Variants in COX7B2 observed in about 807,000 individuals in gnomAD.
COX7B2 encodes cytochrome c oxidase subunit 7B2, mitochondrial.
For synonymous variants in COX7B2, 37 were observed against 32.1 expected (o/e 1.15, Z -0.51); for missense variants, 109 against 95.9 (o/e 1.14, Z -0.57).
rs5858039 is a variant in COX7B2 at position 46,803,732 on chromosome 4, C to CTTT, written c.-50+41225_-50+41227dup. 5.6e-3 allele frequency among the ~76,000 whole-genome samples: 684 copies of CTTT among 123,218 alleles called. 7 individuals carry two copies. The highest frequency in any genetic ancestry group is 0.02 in the African/African-American group (649 of 32,402). 80.8% of individuals were successfully genotyped at this position (123,218 alleles called of 152,430 possible). A position where few individuals can be genotyped will look rare whatever the true frequency, so the allele number is the denominator to read the frequency against. On this transcript the variant is annotated intron_variant, in intron 2 of 2. Transcript: ENST00000355591. ...GCTTAAATTAAGCCTGGTTTACTTT[C>CTTT]TTTTTTTTTTTTTTTTTTTTAACAT...
chr4:46,813,844 A>AG (rs1265053661), intron 2 of COX7B2, among the ~76,000 whole-genome samples: 2 of 152,194 alleles, frequency 1.3e-5, no homozygotes. Flanking sequence ...ACAACTTAAC[A>AG]GAAAAAAAAC....
At chr4:46,863,597 T>C (rs946987560) in intron 1 of COX7B2, among the ~76,000 whole-genome samples, 12 of 152,326 alleles carry the variant, frequency 7.9e-5, no homozygotes, top group Admixed American at 3.9e-4. Context: ...TTTTAAAACT[T>C]CTCAGATTCA....
rs576124347 is a variant in COX7B2, at chr4:46,823,560, A to G, written c.-50+21400T>C. 3.3e-3 allele frequency among the ~76,000 whole-genome samples: 496 copies of G among 149,416 alleles called. 8 individuals carry two copies. The highest frequency in any genetic ancestry group is 0.022 in the Middle Eastern group (6 of 278). On this transcript the variant is annotated intron_variant, in intron 2 of 2. Coordinates refer to ENST00000355591, the MANE Select transcript of COX7B2 (RefSeq NM_130902.3). ...TCTCAAGGATCAATTATAAAATGAAAAATTTTAATATAAAATACAATATAT... is the reference window on the plus strand; with the variant it reads ...TCTCAAGGATCAATTATAAAATGAAGAATTTTAATATAAAATACAATATAT...
intron 1 of COX7B2, among the ~76,000 whole-genome samples, chr4:46,905,842 A>ATTTTTTTTT (rs1720354224): frequency 2.4e-4 from 1 of 4,110 alleles, no homozygotes; most frequent in Non-Finnish European, 6.3e-4. Context: ...TTTTTTTTTG[A>ATTTTTTTTT]GACGGAGTCT....
intron 2 of COX7B2, among the ~76,000 whole-genome samples, chr4:46,744,660 A>G (rs533405038): frequency 4.6e-5 from 7 of 151,952 alleles, no homozygotes; most frequent in Middle Eastern, 3.4e-3. Flanking sequence ...TCTGCCTTCA[A>G]TCTATCACTG....
chr4:46,757,033 T>A (rs896687569), intron 2 of COX7B2, among the ~76,000 whole-genome samples: 1 of 152,012 alleles, frequency 6.6e-6, no homozygotes, highest in Non-Finnish European at 1.5e-5. Flanking sequence ...ATGGATGGAA[T>A]CAACCTAAGT....
chr4:46,774,737 G>T (rs1214393966), intron 2 of COX7B2, among the ~76,000 whole-genome samples: 1 of 151,698 alleles, frequency 6.6e-6, no homozygotes, highest in African/African-American at 2.4e-5. Flanking sequence ...ATATCCTCAA[G>T]TCTTATCACT....
chr4:46,767,118 T>C (rs888624180), intron 2 of COX7B2, among the ~76,000 whole-genome samples: 4 of 152,250 alleles, frequency 2.6e-5, no homozygotes, highest in African/African-American at 7.2e-5. Context: ...CTACAGAGAC[T>C]GAGTTTAGCT....
intron 1 of COX7B2, among the ~76,000 whole-genome samples, chr4:46,845,979 T>C (rs1433454296): frequency 2.0e-5 from 3 of 152,010 alleles, no homozygotes; most frequent in Non-Finnish European, 4.4e-5. Flanking sequence ...GGAGATAGAC[T>C]TTACCCCCAT....
chr4:46,770,576 C>T (rs1716817767), intron 2 of COX7B2, among the ~76,000 whole-genome samples: 1 of 151,614 alleles, frequency 6.6e-6, no homozygotes, highest in African/African-American at 2.4e-5. Flanking sequence ...TCTAATATAC[C>T]ATAAAGGTCT....
intron 1 of COX7B2, among the ~76,000 whole-genome samples, chr4:46,891,677 G>T (rs899742307): frequency 1.3e-5 from 2 of 152,088 alleles, no homozygotes; most frequent in Non-Finnish European, 2.9e-5. Flanking sequence ...CCCATTATTG[G>T]TAAGTTTGTT....
At chr4:46,814,165 T>C (rs887673751) in intron 2 of COX7B2, among the ~76,000 whole-genome samples, 1 of 152,222 alleles carries the variant, frequency 6.6e-6, no homozygotes, top group Non-Finnish European at 1.5e-5. Flanking sequence ...TTACTGGGTA[T>C]TTATCCAAAG....
chr4:46,899,927 A>G (rs192633684), intron 1 of COX7B2, among the ~76,000 whole-genome samples: 1 of 152,320 alleles, frequency 6.6e-6, no homozygotes, highest in Non-Finnish European at 1.5e-5. Context: ...AAACAACCCT[A>G]GATTTCTCAG....
At chr4:46,739,927 T>A (rs941559977) in intron 2 of COX7B2, among the ~76,000 whole-genome samples, 1 of 152,092 alleles carries the variant, frequency 6.6e-6, no homozygotes, top group East Asian at 1.9e-4. Flanking sequence ...ATTTAAAACC[T>A]TTGCTGTTTT....
intron 2 of COX7B2, among the ~76,000 whole-genome samples, chr4:46,834,448 C>T (rs944210109): frequency 1.7e-4 from 26 of 151,890 alleles, no homozygotes; most frequent in African/African-American, 4.8e-4. Context: ...AAAAACTCTG[C>T]GAATAAACCC....
intron 2 of COX7B2, among the ~76,000 whole-genome samples, chr4:46,761,828 G>T (rs12511916): frequency 6.6e-6 from 1 of 151,750 alleles, no homozygotes; most frequent in South Asian, 2.1e-4. Flanking sequence ...AGAAGGTGCC[G>T]AGATGAGTGA....
intron 1 of COX7B2, among the ~76,000 whole-genome samples, chr4:46,854,854 G>A (rs1479702404): frequency 1.3e-5 from 2 of 152,028 alleles, no homozygotes; most frequent in Admixed American, 6.6e-5. Context: ...ATAGTTAAGT[G>A]AAATATGCTA....
At chr4:46,816,604 T>A (rs1021353780) in intron 2 of COX7B2, among the ~76,000 whole-genome samples, 6 of 152,226 alleles carry the variant, frequency 3.9e-5, no homozygotes, top group Admixed American at 2.6e-4. Context: ...ATCTTGTACA[T>A]CATAGGACCT....
intron 1 of COX7B2, among the ~76,000 whole-genome samples, chr4:46,885,928 A>T (rs1344024136): frequency 1.3e-5 from 2 of 152,138 alleles, no homozygotes; most frequent in East Asian, 1.9e-4. Context: ...TCAAGAGTTT[A>T]TTTTTCATGT....
Sources: gnomAD v4.1 joint callset for allele counts (sites outside exome capture counted in the v4.1 genomes callset) on GRCh38, gnomAD v4.1.1 for gene constraint, MANE v1.5 for transcripts, NCBI Gene and HGNC (gene_info 2026-07-23, HGNC 2026-07-21) for gene names.